CCT6B: variants seen among roughly 807,000 people sequenced by gnomAD.
CCT6B encodes the protein probable T-complex protein 1 subunit zeta-2.
A neutral mutation model predicts 61.5 loss-of-function variants in CCT6B; 49 were observed. That is an observed-to-expected ratio of 0.80 (90% confidence interval 0.63 to 1.01). CCT6B has a LOEUF of 1.01. CCT6B is among the 50% of genes least tolerant of loss of function. The pLI is 0.00. For synonymous variants in CCT6B, 228 were observed against 214.5 expected (o/e 1.06, Z -0.55); for missense variants, 666 against 634.7 (o/e 1.05, Z -0.53).
At chr17:34,954,356 T>A in intron 4 of CCT6B, 70 bp downstream of exon 4, 1 of 1,254,298 alleles carries the variant, frequency 8.0e-7, no homozygotes, top group Non-Finnish European at 1.1e-6. Context: ...TTGATTATCT[T>A]ACAGAAAAAG....
intron 2 of CCT6B, 122 bp downstream of exon 2, chr17:34,959,465 T>C: frequency 2.8e-6 from 2 of 714,554 alleles, no homozygotes; most frequent in Admixed American, 2.4e-5. Context: ...AATTCAACAG[T>C]CTTCAGCATA....
intron 10 of CCT6B, among the ~76,000 whole-genome samples, chr17:34,935,924 CGTGTGT>C (rs113723835): frequency 5.4e-5 from 8 of 147,806 alleles, no homozygotes; most frequent in African/African-American, 2.0e-4. Flanking sequence ...CATTTATTCT[CGTGTGT>C]GTGTGTGTGT....
At chr17:34,956,855 G>C (rs544186750) in intron 3 of CCT6B, among the ~76,000 whole-genome samples, 1 of 152,134 alleles carries the variant, frequency 6.6e-6, no homozygotes, top group East Asian at 1.9e-4. Context: ...TGTCACCCAG[G>C]CTGGAGTACA....
intron 1 of CCT6B, among the ~76,000 whole-genome samples, chr17:34,960,583 A>C (rs549502889): frequency 6.6e-6 from 1 of 152,202 alleles, no homozygotes; most frequent in Non-Finnish European, 1.5e-5. Context: ...CGTCTCTACC[A>C]CATCTCCTTA....
At chr17:34,933,826 C>T (rs1379666585) in intron 10 of CCT6B, among the ~76,000 whole-genome samples, 1 of 151,954 alleles carries the variant, frequency 6.6e-6, no homozygotes, top group Non-Finnish European at 1.5e-5. Flanking sequence ...CCCCAGCTTC[C>T]ACCTTAAGAA....
At chr17:34,949,103 A>AAAGAAAAGAG (rs2090261001) in intron 5 of CCT6B, among the ~76,000 whole-genome samples, 5 of 147,210 alleles carry the variant, frequency 3.4e-5, no homozygotes, top group Admixed American at 1.3e-4. Flanking sequence ...AGGGAAAAGA[A>AAAGAAAAGAG]AAGAGAAAAG....
Position 34,934,287 on chromosome 17 carries a change from AAAG to A in CCT6B, c.1214-1790_1214-1788del, listed in dbSNP as rs375826701. ...TCACTACAGATTCTACAGATATTAA[AAAG>A]AATAACAAATGAATATTATGATCGA... On this transcript the variant is annotated intron_variant, in intron 10 of 13. Transcript: ENST00000314144. Among the ~76,000 whole-genome samples the A allele has an allele frequency of 5.6e-4, 85 of 152,340 alleles. No individual in the cohort carries two copies. The East Asian group carries it at 0.015, about 26-fold the overall frequency.
At chr17:34,930,695 C>T (rs956356891) in intron 12 of CCT6B, among the ~76,000 whole-genome samples, 4 of 152,200 alleles carry the variant, frequency 2.6e-5, no homozygotes, top group African/African-American at 9.6e-5. Context: ...TGCCTACCTT[C>T]TCCCACTACA....
intron 7 of CCT6B, 54 bp from the exon 8 acceptor site, chr17:34,940,675 A>G: frequency 5.0e-6 from 5 of 991,284 alleles, no homozygotes. Flanking sequence ...AGTATTTCTC[A>G]AACCTTTTGG....
chr17:34,942,695 A>T (rs1383450150), intron 6 of CCT6B, 52 bp from the exon 7 acceptor site: 8 of 1,505,764 alleles, frequency 5.3e-6, no homozygotes, highest in Non-Finnish European at 7.2e-6. Context: ...AAAGGAAAAA[A>T]GATAGAAGTA....
chr17:34,941,191 T>C (rs1471535556), intron 7 of CCT6B, among the ~76,000 whole-genome samples: 1 of 152,206 alleles, frequency 6.6e-6, no homozygotes, highest in Non-Finnish European at 1.5e-5. Context: ...GAACTTTTCA[T>C]ACTATCTCAC....
chr17:34,950,940 AAAG>A (rs545814863), intron 5 of CCT6B, among the ~76,000 whole-genome samples: 46 of 151,894 alleles, frequency 3.0e-4, no homozygotes, highest in Admixed American at 7.2e-4. Context: ...AAAAAAAAAA[AAAG>A]AAGAAGAAGA....
chr17:34,938,519 G>T (rs2090120285), intron 10 of CCT6B, among the ~76,000 whole-genome samples: 2 of 152,144 alleles, frequency 1.3e-5, no homozygotes, highest in South Asian at 4.1e-4. Context: ...TTGTGCCACT[G>T]CACTCTAGCC....
chr17:34,932,073 G>T (rs2090041773), intron 11 of CCT6B, among the ~76,000 whole-genome samples: 1 of 152,122 alleles, frequency 6.6e-6, no homozygotes, highest in African/African-American at 2.4e-5. Context: ...TTTTCATTAT[G>T]ATTAGTTAAT....
intron 3 of CCT6B, among the ~76,000 whole-genome samples, chr17:34,956,379 T>G (rs2090347650): frequency 3.3e-5 from 5 of 152,218 alleles, no homozygotes; most frequent in Admixed American, 2.0e-4. Flanking sequence ...GGCCAGGCCT[T>G]ACTTCCTCCA....
intron 7 of CCT6B, among the ~76,000 whole-genome samples, chr17:34,941,718 T>C (rs1192912852): frequency 2.0e-5 from 3 of 152,132 alleles, no homozygotes; most frequent in Non-Finnish European, 4.4e-5. Flanking sequence ...ATTTAAACAA[T>C]TACACAAGTG....
At chr17:34,932,709 C>A (rs775745577) in intron 10 of CCT6B, among the ~76,000 whole-genome samples, 1 of 152,174 alleles carries the variant, frequency 6.6e-6, no homozygotes, top group Non-Finnish European at 1.5e-5. Flanking sequence ...TAACTGGCTG[C>A]AAACAGCTTA....
At chr17:34,961,186 C>T in intron 1 of CCT6B, 71 bp downstream of exon 1, 1 of 1,519,698 alleles carries the variant, frequency 6.6e-7, no homozygotes, top group Non-Finnish European at 8.9e-7. Flanking sequence ...TACGCGGACG[C>T]CTGCCTCAGA....
Position 34,958,602 on chromosome 17 carries a change from A to G in CCT6B, c.294T>C (p.Ile98=). The change falls in exon 3 of 14, where the codon ATT becomes ATC. Residue 98 remains isoleucine (I), a synonymous_variant. Coordinates refer to ENST00000314144, the MANE Select transcript of CCT6B (RefSeq NM_006584.4). The part of the protein sequence containing the change: ...TGDGTTSNVL[I]IGELLKQADL... ...CAGCTTGTTTTAATAACTCTCCAAT[A>G]ATTAGAACATTTGAAGTAGTACCAT... 4 of 1,595,496 alleles carry G rather than the reference A, an allele frequency of 2.5e-6. No individual in the cohort carries two copies.
Sources: allele counts gnomAD v4.1 joint callset (sites outside exome capture counted in the v4.1 genomes callset), GRCh38; gene constraint gnomAD v4.1.1; transcripts MANE v1.5; gene names NCBI Gene and HGNC (gene_info 2026-07-23, HGNC 2026-07-21).